MSI2: variants seen among roughly 807,000 people sequenced by gnomAD.
MSI2 encodes RNA-binding protein Musashi homolog 2.
A neutral mutation model predicts 45.6 loss-of-function variants in MSI2; 17 were observed. That is an observed-to-expected ratio of 0.37 (90% confidence interval 0.26 to 0.56). The LOEUF (loss-of-function observed/expected upper bound fraction) is 0.56. MSI2 is among the 20% of genes least tolerant of loss of function. The pLI is 0.77. For missense variants in MSI2, 293 were observed against 444.2 expected (o/e 0.66, Z 3.06); for synonymous variants, 156 against 158.2 (o/e 0.99, Z 0.11).
At chr17:57,509,216 ATAAC>A (rs1449511361) in intron 6 of MSI2, among the ~76,000 whole-genome samples, 2 of 152,208 alleles carry the variant, frequency 1.3e-5, no homozygotes, top group Non-Finnish European at 2.9e-5. Context: ...GTTCTGATAA[ATAAC>A]TAAATTGAGC....
intron 6 of MSI2, chr17:57,450,290 A>AGAAG (rs1598283989): frequency 1.5e-5 from 1 of 65,676 alleles, no homozygotes; most frequent in East Asian, 8.3e-4. Flanking sequence ...AAAGAAAGAA[A>AGAAG]GAAAGAAAGA....
chr17:57,494,491 T>G (rs2085937388), intron 6 of MSI2, among the ~76,000 whole-genome samples: 1 of 152,130 alleles, frequency 6.6e-6, no homozygotes, highest in African/African-American at 2.4e-5. Flanking sequence ...GTGGGGGTAA[T>G]AAGACCAATA....
At chr17:57,351,152 A>G (rs1452949663) in intron 5 of MSI2, among the ~76,000 whole-genome samples, 2 of 152,116 alleles carry the variant, frequency 1.3e-5, no homozygotes, top group Admixed American at 1.3e-4. Context: ...GGCCAAGCCC[A>G]ACCGGAAACC....
In MSI2 at chr17:57,513,269, C is replaced by T. The variant is rs372695182; in HGVS notation, c.406-16407C>T. ...GATTACAGGCATGAGCCACCACGCT[C>T]GGCTGAATTAGCATCTCTTAATGCT... On this transcript the variant is annotated intron_variant, in intron 6 of 13. Coordinates refer to ENST00000284073, the MANE Select transcript of MSI2 (RefSeq NM_138962.4). Among the ~76,000 whole-genome samples the T allele has an allele frequency of 3.9e-5, 6 of 152,130 alleles. No individual in the cohort carries two copies. In the East Asian group the frequency reaches 7.7e-4, roughly 20 times the overall value.
chr17:57,516,957 T>G (rs937077447), intron 6 of MSI2, among the ~76,000 whole-genome samples: 1 of 152,236 alleles, frequency 6.6e-6, no homozygotes, highest in East Asian at 1.9e-4. Flanking sequence ...TTTTATCCTC[T>G]CTGCCTTGAA....
At chr17:57,276,633 G>A (rs1422880581) in intron 5 of MSI2, among the ~76,000 whole-genome samples, 1 of 152,184 alleles carries the variant, frequency 6.6e-6, no homozygotes, top group East Asian at 1.9e-4. Flanking sequence ...TGCCTGGGTG[G>A]GTGTGGGTTC....
chr17:57,466,903 C>G (rs942047828), intron 6 of MSI2, among the ~76,000 whole-genome samples: 3 of 152,202 alleles, frequency 2.0e-5, no homozygotes, highest in African/African-American at 7.2e-5. Flanking sequence ...CATCTCAGTT[C>G]TGTGCCCCCT....
At chr17:57,524,730 A>G (rs949805) in intron 6 of MSI2, among the ~76,000 whole-genome samples, 120,342 of 152,242 alleles carry the variant, frequency 0.79, 48,394 homozygotes, top group African/African-American at 0.94. Flanking sequence ...GAATATAAAC[A>G]TCTGAGAGAA....
chr17:57,504,748 C>T (rs1232750154), intron 6 of MSI2, among the ~76,000 whole-genome samples: 6 of 151,844 alleles, frequency 4.0e-5, no homozygotes, highest in Admixed American at 1.3e-4. Flanking sequence ...CTGACCAACA[C>T]GGTGAAACCC....
At chr17:57,484,445 A>G (rs1293901243) in intron 6 of MSI2, among the ~76,000 whole-genome samples, 2 of 152,148 alleles carry the variant, frequency 1.3e-5, no homozygotes, top group East Asian at 3.8e-4. Context: ...GTCAGCCTCA[A>G]CAGCTTCCTT....
intron 6 of MSI2, among the ~76,000 whole-genome samples, chr17:57,438,332 C>T (rs986119542): frequency 6.6e-6 from 1 of 152,148 alleles, no homozygotes; most frequent in African/African-American, 2.4e-5. Context: ...GGTACCATTT[C>T]TCAGAAGGGG....
At chr17:57,379,219 GT>G (rs1386505552) in intron 5 of MSI2, among the ~76,000 whole-genome samples, 1 of 151,002 alleles carries the variant, frequency 6.6e-6, no homozygotes, top group African/African-American at 2.4e-5. Context: ...TGGCTGCCAG[GT>G]TTCCGTGTTT....
intron 6 of MSI2, among the ~76,000 whole-genome samples, chr17:57,491,987 A>G (rs2085881700): frequency 6.6e-6 from 1 of 152,216 alleles, no homozygotes; most frequent in Admixed American, 6.5e-5. Flanking sequence ...TTTGCTCCTG[A>G]TACCACCTAA....
At position 57,571,026 on chromosome 17, in the gene MSI2, A is replaced by T. The variant is rs538216464; in HGVS notation, c.455-25842A>T. 6.6e-5 allele frequency among the ~76,000 whole-genome samples: 10 copies of T among 152,206 alleles called. No individual in the cohort carries two copies. In the South Asian group the frequency reaches 2.1e-3, roughly 32 times the overall value. On this transcript the variant is annotated intron_variant, in intron 7 of 13. Transcript: ENST00000284073. ...AGCCACAGGTGGGCTCAGGGTAAAG[A>T]CCAGGGTAGGAGTGTGCACTCAGCC...
chr17:57,414,350 G>T (rs1393100573), intron 6 of MSI2, among the ~76,000 whole-genome samples: 1 of 152,122 alleles, frequency 6.6e-6, no homozygotes, highest in Non-Finnish European at 1.5e-5. Context: ...GGGCAGGGAA[G>T]TTCCAGTCAT....
At chr17:57,422,876 A>G (rs776589362) in intron 6 of MSI2, among the ~76,000 whole-genome samples, 1 of 152,226 alleles carries the variant, frequency 6.6e-6, no homozygotes, top group Non-Finnish European at 1.5e-5. Flanking sequence ...TGGGTGAGTC[A>G]GCCTGGCTGT....
chr17:57,599,657 G>A (rs940827273), intron 8 of MSI2, among the ~76,000 whole-genome samples: 5 of 152,222 alleles, frequency 3.3e-5, no homozygotes, highest in Non-Finnish European at 7.3e-5. Context: ...AAGTAGACAA[G>A]AGGAAGAAGT....
chr17:57,603,670 C>T (rs1906178139), intron 8 of MSI2, among the ~76,000 whole-genome samples: 1 of 152,240 alleles, frequency 6.6e-6, no homozygotes, highest in Non-Finnish European at 1.5e-5. Context: ...TCTGTCACAT[C>T]TACTCAGCCC....
intron 5 of MSI2, chr17:57,267,327 A>G (rs1907893647): frequency 6.6e-6 from 1 of 152,308 alleles, no homozygotes; most frequent in Non-Finnish European, 1.5e-5. Context: ...GTGTCAGCTT[A>G]AGGAGGAGGG....
Sources: allele counts gnomAD v4.1 joint callset (sites outside exome capture counted in the v4.1 genomes callset), GRCh38; gene constraint gnomAD v4.1.1; transcripts MANE v1.5; gene names NCBI Gene and HGNC (gene_info 2026-07-23, HGNC 2026-07-21).